COL19A1: variants seen among roughly 807,000 people sequenced by gnomAD.
The protein encoded by COL19A1 is collagen alpha-1(XIX) chain.
COL19A1 carries 159 observed loss-of-function variants against 190.2 expected under a neutral mutation model. The ratio of observed to expected loss-of-function variants is 0.84; its 90% CI spans 0.73 to 0.95. The LOEUF (loss-of-function observed/expected upper bound fraction) is 0.95. COL19A1 is among the 40% of genes least tolerant of loss of function. The probability of loss-of-function intolerance (pLI) is 0.00; values close to 1 mark genes in which losing one functional copy is unlikely to be tolerated. For synonymous variants in COL19A1, 509 were observed against 458.9 expected (o/e 1.11, Z -1.39); for missense variants, 1,418 against 1,431.9 (o/e 0.99, Z 0.16).
chr6:69,930,404 A>G (rs1772681379), intron 6 of COL19A1, among the ~76,000 whole-genome samples: 2 of 152,274 alleles, frequency 1.3e-5, no homozygotes, highest in African/African-American at 2.4e-5. Flanking sequence ...TTTATTATGT[A>G]TAAACAGTTT....
intron 11 of COL19A1, among the ~76,000 whole-genome samples, chr6:69,997,032 G>A (rs200263172): frequency 2.2e-5 from 3 of 135,414 alleles, no homozygotes; most frequent in Non-Finnish European, 3.2e-5. Context: ...TATATAGAGA[G>A]AGAGAGAGAG....
At chr6:70,117,782 C>G (rs180880913) in intron 16 of COL19A1, among the ~76,000 whole-genome samples, 2 of 152,188 alleles carry the variant, frequency 1.3e-5, no homozygotes, top group East Asian at 3.8e-4. Context: ...TAGAGTGAAG[C>G]AAATCTCCGT....
chr6:70,143,704 A>G (rs1477655544), intron 23 of COL19A1, among the ~76,000 whole-genome samples: 1 of 151,892 alleles, frequency 6.6e-6, no homozygotes, highest in Non-Finnish European at 1.5e-5. Flanking sequence ...ATGCCAAGTA[A>G]TGGGCCACTG....
At chr6:70,172,041 G>A (rs757039856) in intron 41 of COL19A1, 24 bp downstream of exon 41, 9 of 1,604,016 alleles carry the variant, frequency 5.6e-6, no homozygotes, top group Non-Finnish European at 5.1e-6. Context: ...TTAGAAATGT[G>A]TTCATTTATT....
chr6:70,101,709 C>A (rs959217808), intron 15 of COL19A1, among the ~76,000 whole-genome samples: 2 of 152,122 alleles, frequency 1.3e-5, no homozygotes, highest in Non-Finnish European at 2.9e-5. Flanking sequence ...ACCGTGAATT[C>A]TAGGATGAAG....
intron 9 of COL19A1, among the ~76,000 whole-genome samples, chr6:69,943,879 G>A (rs569405122): frequency 1.1e-4 from 17 of 152,134 alleles, no homozygotes; most frequent in South Asian, 4.2e-4. Flanking sequence ...CAATTATTCC[G>A]AATAGTCATG....
chr6:69,952,095 C>T (rs1208073726), intron 9 of COL19A1, among the ~76,000 whole-genome samples: 1 of 151,856 alleles, frequency 6.6e-6, no homozygotes, highest in Non-Finnish European at 1.5e-5. Context: ...CCCTTTTAAA[C>T]TGTATCTGAC....
intron 14 of COL19A1, among the ~76,000 whole-genome samples, chr6:70,048,294 C>A (rs1780014693): frequency 6.6e-6 from 1 of 152,048 alleles, no homozygotes; most frequent in Non-Finnish European, 1.5e-5. Flanking sequence ...ATATAGTGTT[C>A]ACATAAGGGA....
At chr6:69,978,717 A>G (rs1775866331) in intron 11 of COL19A1, among the ~76,000 whole-genome samples, 1 of 151,718 alleles carries the variant, frequency 6.6e-6, no homozygotes, top group African/African-American at 2.4e-5. Context: ...GTAGATGGGA[A>G]TTAATAAATA....
intron 28 of COL19A1, 55 bp from the exon 29 acceptor site, chr6:70,149,796 A>T: frequency 6.2e-7 from 1 of 1,613,510 alleles, no homozygotes; most frequent in Non-Finnish European, 8.5e-7. Context: ...ACTTGGGGGA[A>T]ATGACTGAAA....
chr6:70,048,519 G>A (rs1331163332), intron 14 of COL19A1, among the ~76,000 whole-genome samples: 1 of 151,964 alleles, frequency 6.6e-6, no homozygotes, highest in Non-Finnish European at 1.5e-5. Flanking sequence ...TTAAGAAAAA[G>A]CAACCAATTG....
chr6:69,954,926 T>G (rs1774322679), intron 9 of COL19A1, among the ~76,000 whole-genome samples: 1 of 152,134 alleles, frequency 6.6e-6, no homozygotes, highest in Non-Finnish European at 1.5e-5. Context: ...TAGTTTTCAG[T>G]TACTGCTATA....
chr6:69,873,965 C>G (rs1269266855), intron 1 of COL19A1, among the ~76,000 whole-genome samples: 1 of 152,184 alleles, frequency 6.6e-6, no homozygotes, highest in Non-Finnish European at 1.5e-5. Flanking sequence ...TATAGCTTAA[C>G]TTTTATCTGG....
At chr6:70,051,481 G>T (rs1055217172) in intron 14 of COL19A1, among the ~76,000 whole-genome samples, 1 of 152,138 alleles carries the variant, frequency 6.6e-6, no homozygotes, top group African/African-American at 2.4e-5. Context: ...CCAGGTAGGT[G>T]CCACATATTC....
Position 70,209,896 on chromosome 6 carries a change from G to C in COL19A1, c.*2622G>C, listed in dbSNP as rs889443496. On this transcript the variant is annotated 3_prime_UTR_variant, in exon 51 of 51. Coordinates refer to ENST00000620364, the MANE Select transcript of COL19A1 (RefSeq NM_001858.6). ...TAACACAAAATGAAGTTGAGATTCG[G>C]CAGTTGCCCAATTCCTTTAATAAAA... 5 of 152,180 alleles carry C rather than the reference G, an allele frequency of 3.3e-5. No homozygotes were observed. The East Asian group carries it at 5.8e-4, about 18-fold the overall frequency. 9.4% of individuals were successfully genotyped at this position (152,180 alleles called of 1,614,324 possible). A position where few individuals can be genotyped will look rare whatever the true frequency, so the allele number is the denominator to read the frequency against.
At chr6:70,018,092 GA>G (rs1320491947) in intron 11 of COL19A1, among the ~76,000 whole-genome samples, 1 of 152,036 alleles carries the variant, frequency 6.6e-6, no homozygotes. Context: ...AAGTGAGGGA[GA>G]AAAGGCTGAA....
At chr6:70,007,784 G>A (rs1170983725) in intron 11 of COL19A1, among the ~76,000 whole-genome samples, 2 of 151,808 alleles carry the variant, frequency 1.3e-5, no homozygotes, top group African/African-American at 2.4e-5. Flanking sequence ...ATTTTTCCAA[G>A]TGCATATAAA....
chr6:70,189,680 G>A (rs908153721), intron 47 of COL19A1, among the ~76,000 whole-genome samples: 1 of 152,102 alleles, frequency 6.6e-6, no homozygotes, highest in East Asian at 1.9e-4. Flanking sequence ...GTCAACAGGT[G>A]GAAAATTCAG....
intron 49 of COL19A1, among the ~76,000 whole-genome samples, chr6:70,203,747 C>T (rs1002625600): frequency 6.6e-6 from 1 of 152,146 alleles, no homozygotes; most frequent in African/African-American, 2.4e-5. Flanking sequence ...AAAACTACAC[C>T]AAGCACCAGG....
Sources: allele counts gnomAD v4.1 joint callset (sites outside exome capture counted in the v4.1 genomes callset), GRCh38; gene constraint gnomAD v4.1.1; transcripts MANE v1.5; gene names NCBI Gene and HGNC (gene_info 2026-07-23, HGNC 2026-07-21).